Variants in KLHL1 observed in about 807,000 individuals in gnomAD.
The protein encoded by KLHL1 is kelch like family member 1.
Under a neutral mutation model 77.7 loss-of-function variants are expected in KLHL1, and 47 were observed. The observed-to-expected ratio is 0.60, with a 90% CI of 0.48 to 0.77. KLHL1 has a LOEUF of 0.77. KLHL1 is among the 30% of genes least tolerant of loss of function. The pLI is 0.00. For missense variants in KLHL1, 925 were observed against 910.8 expected, an observed-to-expected ratio of 1.02 and a Z score of -0.20; for synonymous variants, 360 against 325.2, an observed-to-expected ratio of 1.11 and a Z score of -1.15.
intron 4 of KLHL1, among the ~76,000 whole-genome samples, chr13:69,887,972 C>T (rs1403970363): frequency 6.6e-6 from 1 of 152,132 alleles, no homozygotes; most frequent in Non-Finnish European, 1.5e-5. Flanking sequence ...TTCTGTCTTA[C>T]TTATTTTCTG....
chr13:70,047,708 T>TA (rs1200828807), intron 1 of KLHL1, among the ~76,000 whole-genome samples: 17 of 152,126 alleles, frequency 1.1e-4, no homozygotes, highest in African/African-American at 2.2e-4. Flanking sequence ...TGAATTTTTT[T>TA]AAAAAAAACA....
At chr13:69,723,046 A>T (rs1230563559) in intron 8 of KLHL1, among the ~76,000 whole-genome samples, 1 of 152,106 alleles carries the variant, frequency 6.6e-6, no homozygotes, top group Non-Finnish European at 1.5e-5. Flanking sequence ...CCTGAAGGAC[A>T]TTATATTAAG....
intron 1 of KLHL1, among the ~76,000 whole-genome samples, chr13:69,983,956 T>G (rs4545685): frequency 0.48 from 73,431 of 151,798 alleles, 18,996 homozygotes; most frequent in Non-Finnish European, 0.59. Context: ...GATATTCACA[T>G]GCAGAAGAGT....
At chr13:69,936,579 C>T (rs935632748) in intron 4 of KLHL1, among the ~76,000 whole-genome samples, 1 of 123,160 alleles carries the variant, frequency 8.1e-6, no homozygotes, top group African/African-American at 3.3e-5. Flanking sequence ...ACAGACAGAA[C>T]GAGACTCCAT....
intron 4 of KLHL1, among the ~76,000 whole-genome samples, chr13:69,904,231 C>T (rs1022063188): frequency 3.3e-5 from 5 of 152,050 alleles, no homozygotes; most frequent in Non-Finnish European, 7.4e-5. Flanking sequence ...AAGTAGAATT[C>T]CTGACAATAT....
At chr13:69,911,138 TTC>T (rs1251560303) in intron 4 of KLHL1, among the ~76,000 whole-genome samples, 1 of 152,050 alleles carries the variant, frequency 6.6e-6, no homozygotes, top group Non-Finnish European at 1.5e-5. Flanking sequence ...GTCTCCCTCT[TTC>T]TCTTTAATTC....
At chr13:69,839,741 A>G (rs1369374956) in intron 5 of KLHL1, among the ~76,000 whole-genome samples, 1 of 151,960 alleles carries the variant, frequency 6.6e-6, no homozygotes, top group African/African-American at 2.4e-5. Flanking sequence ...TTTATACCAA[A>G]ATTCAGCACC....
chr13:70,102,465 A>G (rs933843384), intron 1 of KLHL1, among the ~76,000 whole-genome samples: 2 of 152,178 alleles, frequency 1.3e-5, no homozygotes, highest in African/African-American at 4.8e-5. Context: ...ATCACTGTCA[A>G]TTTAAGAAGT....
At chr13:69,831,916 C>T (rs1477711485) in intron 6 of KLHL1, among the ~76,000 whole-genome samples, 4 of 149,826 alleles carry the variant, frequency 2.7e-5, no homozygotes, top group Middle Eastern at 3.4e-3. Flanking sequence ...TGATTAAAAC[C>T]CTCAGCAAAA....
At chr13:69,978,188 A>G (rs17086031) in intron 1 of KLHL1, among the ~76,000 whole-genome samples, 3,419 of 152,144 alleles carry the variant, frequency 0.022, 54 homozygotes, top group African/African-American at 0.043. Flanking sequence ...AAAAGTCACA[A>G]TATGCATTGC....
chr13:70,011,698 A>C (rs1055574236), intron 1 of KLHL1, among the ~76,000 whole-genome samples: 9 of 152,212 alleles, frequency 5.9e-5, no homozygotes, highest in Non-Finnish European at 1.3e-4. Context: ...TGATGTTGCT[A>C]CAATATTTCT....
At chr13:70,003,560 A>C (rs1189256059) in intron 1 of KLHL1, among the ~76,000 whole-genome samples, 1 of 151,796 alleles carries the variant, frequency 6.6e-6, no homozygotes, top group African/African-American at 2.4e-5. Flanking sequence ...TTATGCTTGA[A>C]AGCAACAAAG....
At chr13:69,809,531 T>C (rs988222226) in intron 6 of KLHL1, among the ~76,000 whole-genome samples, 14 of 152,062 alleles carry the variant, frequency 9.2e-5, no homozygotes, top group African/African-American at 3.4e-4. Context: ...CAGCACCAGA[T>C]CGGCTCTATG....
At chr13:69,932,580 C>T (rs7319557) in intron 4 of KLHL1, among the ~76,000 whole-genome samples, 52,665 of 151,574 alleles carry the variant, frequency 0.35, 10,082 homozygotes, top group Non-Finnish European at 0.43. Context: ...CTTCTTGAAA[C>T]TTTGTTAGTT....
At chr13:69,825,393 A>G (rs1878505420) in intron 6 of KLHL1, among the ~76,000 whole-genome samples, 1 of 152,132 alleles carries the variant, frequency 6.6e-6, no homozygotes, top group Admixed American at 6.5e-5. Context: ...GTATACTGGC[A>G]AGAAATTTTT....
intron 1 of KLHL1, among the ~76,000 whole-genome samples, chr13:70,086,275 A>G (rs1313406086): frequency 7.2e-6 from 1 of 138,208 alleles, no homozygotes; most frequent in African/African-American, 2.8e-5. Context: ...GTTAAATAAA[A>G]AGTTTCAAAA....
At chr13:70,080,697 T>C (rs994273612) in intron 1 of KLHL1, among the ~76,000 whole-genome samples, 3 of 151,998 alleles carry the variant, frequency 2.0e-5, no homozygotes, top group African/African-American at 7.2e-5. Context: ...CCCGGGTTCA[T>C]GCAATTCTCC....
chr13:69,779,380 CTCCTCCCCTG>C (rs1247473107), intron 7 of KLHL1, among the ~76,000 whole-genome samples: 17 of 149,776 alleles, frequency 1.1e-4, no homozygotes, highest in Non-Finnish European at 1.6e-4. Flanking sequence ...CCCCTCCCCT[CTCCTCCCCTG>C]TCCTCCCCTC....
chr13:69,997,838 CTTTA>C (rs1375306432), intron 1 of KLHL1, among the ~76,000 whole-genome samples: 3 of 149,400 alleles, frequency 2.0e-5, no homozygotes, highest in Non-Finnish European at 4.4e-5. Flanking sequence ...CTCACATATT[CTTTA>C]TTTATTATTC....
Sources: gnomAD v4.1 joint callset for allele counts (sites outside exome capture counted in the v4.1 genomes callset) on GRCh38, gnomAD v4.1.1 for gene constraint, MANE v1.5 for transcripts, NCBI Gene and HGNC (gene_info 2026-07-23, HGNC 2026-07-21) for gene names.